PLA2G2E: variants seen among roughly 807,000 people sequenced by gnomAD.
The protein encoded by PLA2G2E is group IIE secretory phospholipase A2.
In PLA2G2E, 14 loss-of-function variants were observed where a neutral mutation model predicts 16.5. That is an observed-to-expected ratio of 0.85 (90% CI 0.56 to 1.33). The LOEUF (loss-of-function observed/expected upper bound fraction) is 1.33, where lower values mean the gene tolerates loss of function less well. Ranked by LOEUF, PLA2G2E falls within the 40% of genes most tolerant of loss-of-function variation. The pLI is 0.00. For missense variants in PLA2G2E, 174 were observed against 190.7 expected (o/e 0.91, Z 0.52); for synonymous variants, 72 against 77.2 (o/e 0.93, Z 0.36).
rs970062698 is a variant in PLA2G2E at position 19,923,279 on chromosome 1, C to T, written c.40+241G>A. 2.0e-5 allele frequency among the ~76,000 whole-genome samples: 3 copies of T among 152,186 alleles called. 1 individual carries two copies. Among genetic ancestry groups the T allele is most frequent in the South Asian group, 4.1e-4 (2 of 4,828 alleles). ...GAGAAGGAGCCTAGGGTGTGCCATCCGGGAAGCGCCAGCCCCTGGCCCATG... is the reference window on the plus strand; with the variant it reads ...GAGAAGGAGCCTAGGGTGTGCCATCTGGGAAGCGCCAGCCCCTGGCCCATG... On this transcript the variant is annotated intron_variant, in intron 1 of 3. Coordinates refer to ENST00000375116, the MANE Select transcript of PLA2G2E (RefSeq NM_014589.3).
chr1:19,920,284 C>CGG lies in PLA2G2E; in HGVS notation c.*21_*22dup, dbSNP rs142945210. 2.2e-5 allele frequency: 36 copies of CGG among 1,600,280 alleles called. No homozygotes were observed. Among genetic ancestry groups the CGG allele is most frequent in the Non-Finnish European group, 3.1e-5 (36 of 1,172,136 alleles). ...CAGCCCGAGGCGGGACCTCCAGGGA[C>CGG]GGGGGGGAGGCCGAGCATAGCCTCA... is the stretch of plus-strand genomic sequence containing the variant. On this transcript the variant is annotated 3_prime_UTR_variant, in exon 4 of 4. Coordinates refer to ENST00000375116, the MANE Select transcript of PLA2G2E (RefSeq NM_014589.3). This position sits in a 1 kb window ranked among gnomAD's most constrained non-coding sequence, Gnocchi z 4.3.
At chr1:19,923,051 C>A (rs990398218) in intron 1 of PLA2G2E, among the ~76,000 whole-genome samples, 1 of 152,192 alleles carries the variant, frequency 6.6e-6, no homozygotes, top group Admixed American at 6.5e-5. Context: ...GGGCTCCCCA[C>A]CAGCCACCAG....
intron 1 of PLA2G2E, among the ~76,000 whole-genome samples, chr1:19,922,969 A>G (rs1187967531): frequency 6.6e-6 from 1 of 152,040 alleles, no homozygotes; most frequent in East Asian, 1.9e-4. Context: ...CCTCTCCTCC[A>G]GTGTGTCAGC....
chr1:19,922,799 C>T, intron 1 of PLA2G2E, 44 bp from the exon 2 acceptor site: 2 of 1,585,164 alleles, frequency 1.3e-6, no homozygotes, highest in Non-Finnish European at 8.6e-7. Context: ...GCCCCACCCT[C>T]TGCAGCCAAC....
chr1:19,922,725 A>T lies in PLA2G2E; in HGVS notation c.71T>A (p.Phe24Tyr), dbSNP rs757630456. ...VALVTGNLVQ[F>Y]GVMIEKMTGK... ...TGTCATCTTCTCGATCATCACCCCAAACTGAACCAGGTTCCCGGTGACCAG... is the reference window on the plus strand; with the variant it reads ...TGTCATCTTCTCGATCATCACCCCATACTGAACCAGGTTCCCGGTGACCAG... Residue 24 changes from phenylalanine (F) to tyrosine (Y), a missense_variant, in exon 2 of 4, where the codon TTT (phenylalanine) becomes TAT (tyrosine). By Grantham distance (22) the Phe-to-Tyr change is conservative. Coordinates refer to ENST00000375116, the MANE Select transcript of PLA2G2E (RefSeq NM_014589.3). The T allele has an allele frequency of 2.5e-6, 4 of 1,613,328 alleles. No individual in the cohort carries two copies. In the Admixed American group the frequency reaches 5.0e-5, roughly 20 times the overall value.
At position 19,923,560 on chromosome 1, in the gene PLA2G2E, C is replaced by T; in HGVS notation, c.-1G>A. ...ACACCAGCACGTGGGGAGATTTCAT[C>T]CCAGGTTGGGGGGAAGGGAGGTGCA... On this transcript the variant is annotated 5_prime_UTR_variant, in exon 1 of 4. Coordinates refer to ENST00000375116, the MANE Select transcript of PLA2G2E (RefSeq NM_014589.3). 9.7e-6 allele frequency: 15 copies of T among 1,550,262 alleles called. No individual in the cohort carries two copies. Among genetic ancestry groups the T allele is most frequent in the Non-Finnish European group, 1.3e-5 (15 of 1,146,406 alleles).
Position 19,921,633 on chromosome 1 carries a change from G to C in PLA2G2E, c.286+665C>G, listed in dbSNP as rs182113047. Reference sequence around the variant, plus strand: ...CAGAATTTAGAGACCTGAGTCTGCCGCGACCTCCCGAATCCTTCCGCGCTG... The same window carrying C: ...CAGAATTTAGAGACCTGAGTCTGCCCCGACCTCCCGAATCCTTCCGCGCTG... On this transcript the variant is annotated intron_variant, in intron 3 of 3. Coordinates refer to ENST00000375116, the MANE Select transcript of PLA2G2E (RefSeq NM_014589.3). Among the ~76,000 whole-genome samples the C allele has an allele frequency of 1.5e-3, 230 of 152,340 alleles. 1 individual carries two copies. Among genetic ancestry groups the C allele is most frequent in the African/African-American group, 5.3e-3 (219 of 41,578 alleles).
chr1:19,922,354 C>T lies in PLA2G2E; in HGVS notation c.230G>A (p.Cys77Tyr), dbSNP rs150118869. Residue 77 changes from cysteine to tyrosine, a missense_variant, in exon 3 of 4, where the codon TGT (cysteine) becomes TAT (tyrosine). Coordinates refer to ENST00000375116, the MANE Select transcript of PLA2G2E (RefSeq NM_014589.3). Reference protein sequence around the residue: ...CCYGRLEKLGCEPKLEKYLFS... With the variant: ...CCYGRLEKLGYEPKLEKYLFS... ...AAGATACTTTTCCAGTTTGGGCTCA[C>T]AGCCCAGCTTCTCCAGACGCCCGTA... The T allele has an allele frequency of 1.3e-5, 21 of 1,613,932 alleles. No homozygotes were observed. In the African/African-American group the frequency reaches 2.4e-4, roughly 18 times the overall value.
Position 19,923,520 on chromosome 1 carries a change from C to T in PLA2G2E, c.40G>A (p.Val14Met), listed in dbSNP as rs1571200010. 1 of 1,549,454 alleles carries T rather than the reference C, an allele frequency of 6.5e-7. No homozygotes were observed. Among genetic ancestry groups the T allele is most frequent in the East Asian group, 2.4e-5 (1 of 40,828 alleles). ...GCTGAAGGTCACAAAGATCACTTACCCAGGAGGCAAAGGAACACCAGCACG... is the reference window on the plus strand; with the variant it reads ...GCTGAAGGTCACAAAGATCACTTACTCAGGAGGCAAAGGAACACCAGCACG... ...PHVLVFLCLLVALVTGNLVQF... is the reference protein window; with the variant it reads ...PHVLVFLCLLMALVTGNLVQF... Residue 14 changes from valine (V) to methionine (M), a missense_variant and splice_region_variant, in exon 1 of 4, where the codon GTG becomes ATG. Val to Met is a conservative substitution (Grantham distance 21, BLOSUM62 1). Transcript: ENST00000375116.
At chr1:19,923,061 G>A (rs758577647) in intron 1 of PLA2G2E, among the ~76,000 whole-genome samples, 16 of 152,016 alleles carry the variant, frequency 1.1e-4, no homozygotes, top group Non-Finnish European at 1.8e-4. Flanking sequence ...CCAGCCACCA[G>A]TCCTCCCCAG....
intron 3 of PLA2G2E, among the ~76,000 whole-genome samples, chr1:19,921,994 G>C (rs1023268256): frequency 1.9e-4 from 29 of 152,326 alleles, no homozygotes; most frequent in African/African-American, 7.0e-4. Flanking sequence ...CAGCTCCTCT[G>C]GGCCCTGGCT....
Position 19,920,146 on chromosome 1 carries a change from A to C in PLA2G2E, c.*161T>G. On this transcript the variant is annotated 3_prime_UTR_variant, in exon 4 of 4. Transcript: ENST00000375116. The surrounding 1 kb of genome is among the most constrained non-coding windows in gnomAD (Gnocchi z 4.3). ...CAGAGAAGGGGTAGCCTGGGAGGCT[A>C]GTGATGGTCCAGGACATATCTCTGA... 1 of 623,818 alleles carries C rather than the reference A, an allele frequency of 1.6e-6. No homozygotes were observed. Among genetic ancestry groups the C allele is most frequent in the Non-Finnish European group, 2.7e-6 (1 of 364,114 alleles). 38.6% of individuals were successfully genotyped at this position (623,818 alleles called of 1,614,324 possible).
intron 1 of PLA2G2E, among the ~76,000 whole-genome samples, chr1:19,923,159 AC>A (rs2045830991): frequency 6.6e-6 from 1 of 151,826 alleles, no homozygotes; most frequent in South Asian, 2.1e-4. Context: ...ACCTCAGCTG[AC>A]CTCCCCAAAT....
chr1:19,922,760 A>AGAGG lies in PLA2G2E; in HGVS notation c.41-6_41-5insCCTC, dbSNP rs1553164458. 1.1e-3 allele frequency: 1,807 copies of AGAGG among 1,612,056 alleles called. 19 individuals are homozygous for AGAGG. In the African/African-American group the frequency reaches 0.021, roughly 19 times the overall value. On this transcript the variant is annotated splice_polypyrimidine_tract_variant and splice_region_variant and intron_variant, in intron 1 of 3. Coordinates refer to ENST00000375116, the MANE Select transcript of PLA2G2E (RefSeq NM_014589.3). Reference sequence around the variant, plus strand: ...GGTTCCCGGTGACCAGAGCCACTGCAGAGAGGGAGAGGGAGAGGGAGAGGG... The same window carrying AGAGG: ...GGTTCCCGGTGACCAGAGCCACTGCAGAGGGAGAGGGAGAGGGAGAGGGAGAGGG...
chr1:19,921,816 T>A (rs2045818444), intron 3 of PLA2G2E, among the ~76,000 whole-genome samples: 1 of 152,196 alleles, frequency 6.6e-6, no homozygotes, highest in Non-Finnish European at 1.5e-5. Context: ...TTGGTCCAAA[T>A]GGGCACTGGA....
chr1:19,921,932 C>G (rs752809758), intron 3 of PLA2G2E, among the ~76,000 whole-genome samples: 1 of 152,230 alleles, frequency 6.6e-6, no homozygotes, highest in Non-Finnish European at 1.5e-5. Flanking sequence ...TCGTTCTGTC[C>G]GAAGGACTTC....
In PLA2G2E at chr1:19,923,600, G is replaced by A; in HGVS notation, c.-41C>T. 2.6e-6 allele frequency: 4 copies of A among 1,534,316 alleles called. No homozygotes were observed. Among genetic ancestry groups the A allele is most frequent in the Non-Finnish European group, 3.5e-6 (4 of 1,136,014 alleles). ...AGGGAGGTGCACAAGGAGCATAAAA[G>A]GCAGCAGAAGAAAGCAGCAGGGCCA... On this transcript the variant is annotated 5_prime_UTR_variant, in exon 1 of 4. Coordinates refer to ENST00000375116, the MANE Select transcript of PLA2G2E (RefSeq NM_014589.3).
chr1:19,922,277 A>G, intron 3 of PLA2G2E, 21 bp downstream of exon 3: 1 of 1,566,586 alleles, frequency 6.4e-7, no homozygotes, highest in South Asian at 1.1e-5. Context: ...TGTCTAGGTC[A>G]CTTCAGGGCT....
At chr1:19,923,263 C>A (rs1224603915) in intron 1 of PLA2G2E, among the ~76,000 whole-genome samples, 1 of 152,230 alleles carries the variant, frequency 6.6e-6, no homozygotes, top group Non-Finnish European at 1.5e-5. Context: ...GGAGAAGGAG[C>A]CTAGGGTGTG....
Sources: allele counts gnomAD v4.1 joint callset (sites outside exome capture counted in the v4.1 genomes callset), GRCh38; gene constraint gnomAD v4.1.1; non-coding constraint Gnocchi (gnomAD v3.1); transcripts MANE v1.5; gene names NCBI Gene and HGNC (gene_info 2026-07-23, HGNC 2026-07-21).